TMTC1: variants seen among roughly 807,000 people sequenced by gnomAD.
TMTC1 encodes the protein protein O-mannosyl-transferase TMTC1.
TMTC1 carries 73 observed loss-of-function variants against 104.8 expected under a neutral mutation model. That is an observed-to-expected ratio of 0.70 (90% CI 0.58 to 0.85). The LOEUF (loss-of-function observed/expected upper bound fraction) is 0.85. Among genes scored for constraint, TMTC1 ranks in the 40% least tolerant of loss-of-function variants. The pLI, the probability that TMTC1 is intolerant of heterozygous loss-of-function variation, is 0.00. For synonymous variants in TMTC1, 434 were observed against 428.7 expected (o/e 1.01, Z -0.15); for missense variants, 1,035 against 1,096.1 (o/e 0.94, Z 0.79).
rs867199414 is a variant in TMTC1, at chr12:29,624,084, A to G, written c.1128+9063T>C. 2.4e-4 allele frequency among the ~76,000 whole-genome samples: 37 copies of G among 152,122 alleles called. No homozygotes were observed. The South Asian group carries it at 5.0e-3, about 20-fold the overall frequency. Reference sequence around the variant, plus strand: ...AACTTCTACCTCCCAGGTTCAAGTGATTCTCCTGCCTCAGCCTCCTGAGTA... The same window carrying G: ...AACTTCTACCTCCCAGGTTCAAGTGGTTCTCCTGCCTCAGCCTCCTGAGTA... On this transcript the variant is annotated intron_variant, in intron 6 of 17. Transcript: ENST00000539277.
chr12:29,754,867 T>C (rs901120064), intron 4 of TMTC1, among the ~76,000 whole-genome samples: 1 of 152,190 alleles, frequency 6.6e-6, no homozygotes, highest in African/African-American at 2.4e-5. Context: ...TATCTTTATG[T>C]CAAGAAGTAT....
chr12:29,727,583 A>G (rs1456917089), intron 5 of TMTC1, among the ~76,000 whole-genome samples: 1 of 151,878 alleles, frequency 6.6e-6, no homozygotes, highest in African/African-American at 2.4e-5. Context: ...TCACTGTGTT[A>G]ACCAGGATGG....
intron 6 of TMTC1, among the ~76,000 whole-genome samples, chr12:29,609,308 C>T (rs1466135681): frequency 6.6e-6 from 1 of 152,198 alleles, no homozygotes; most frequent in Non-Finnish European, 1.5e-5. Context: ...TAAAGCTCCC[C>T]TCTTCAGCCC....
intron 11 of TMTC1, among the ~76,000 whole-genome samples, chr12:29,524,856 C>A (rs1295763219): frequency 6.6e-6 from 1 of 152,146 alleles, no homozygotes; most frequent in African/African-American, 2.4e-5. Context: ...TAAAGTTATA[C>A]CTCATGATGT....
intron 5 of TMTC1, among the ~76,000 whole-genome samples, chr12:29,683,534 G>A (rs1157424198): frequency 6.6e-6 from 1 of 152,124 alleles, no homozygotes; most frequent in African/African-American, 2.4e-5. Flanking sequence ...GTGTGTCTAC[G>A]TGTGTATACG....
In TMTC1 at chr12:29,583,499, G is replaced by A. The variant is rs1322928918; in HGVS notation, c.1326C>T (p.Thr442=). Residue 442 remains threonine (T), a synonymous_variant, in exon 8 of 18, where the codon ACC becomes ACT. Transcript: ENST00000539277. ...CTWLNRCGAT[T]LIVSTVLLLL... ...GCAGCAACACAGTGGACACAATCAG[G>A]GTGGTGGCCCCACATCGATTCAGCC... 4.3e-6 allele frequency: 7 copies of A among 1,613,898 alleles called. No individual in the cohort carries two copies. In the East Asian group the frequency reaches 8.9e-5, roughly 21 times the overall value.
chr12:29,552,173 AG>A (rs1472216575), intron 10 of TMTC1, among the ~76,000 whole-genome samples: 1 of 152,190 alleles, frequency 6.6e-6, no homozygotes, highest in East Asian at 1.9e-4. Flanking sequence ...TGTACAATAT[AG>A]TAGCCACAAA....
At chr12:29,575,184 T>A (rs11050296) in intron 8 of TMTC1, among the ~76,000 whole-genome samples, 28,594 of 151,820 alleles carry the variant, frequency 0.19, 3,138 homozygotes, top group East Asian at 0.38. Flanking sequence ...TGAAGGAAGG[T>A]GGCAGGGGGA....
At chr12:29,530,191 G>T in intron 11 of TMTC1, among the ~76,000 whole-genome samples, 1 of 152,020 alleles carries the variant, frequency 6.6e-6, no homozygotes, top group East Asian at 1.9e-4. Flanking sequence ...TGGCCAAGGA[G>T]ACCCCAGGGA....
At chr12:29,613,405 G>C (rs940116389) in intron 6 of TMTC1, among the ~76,000 whole-genome samples, 5 of 152,216 alleles carry the variant, frequency 3.3e-5, no homozygotes, top group African/African-American at 7.2e-5. Context: ...GTCTGAGGAG[G>C]GGGTGGAGAG....
At position 29,691,738 on chromosome 12, in the gene TMTC1, A is replaced by AAAC. The variant is rs71045828; in HGVS notation, c.939-58403_939-58402insGTT. 9.9e-3 allele frequency among the ~76,000 whole-genome samples: 1,410 copies of AAAC among 142,070 alleles called. 143 individuals are homozygous for AAAC. The highest frequency in any genetic ancestry group is 0.035 in the African/African-American group (1,336 of 38,454). 93.2% of individuals were successfully genotyped at this position (142,070 alleles called of 152,430 possible). On this transcript the variant is annotated intron_variant, in intron 5 of 17. Coordinates refer to ENST00000539277, the MANE Select transcript of TMTC1 (RefSeq NM_001193451.2). ...AAAGTAGGAAAAAAAAAAAAAAAAA[A>AAAC]CCTACTTCCCACAATGGTGTACTGG...
At chr12:29,598,102 G>A (rs1431292136) in intron 7 of TMTC1, among the ~76,000 whole-genome samples, 1 of 152,152 alleles carries the variant, frequency 6.6e-6, no homozygotes, top group Non-Finnish European at 1.5e-5. Context: ...ATTCTTTCAA[G>A]ACGGCTAGCC....
chr12:29,698,862 G>A (rs1941500334), intron 5 of TMTC1, among the ~76,000 whole-genome samples: 1 of 152,180 alleles, frequency 6.6e-6, no homozygotes, highest in African/African-American at 2.4e-5. Context: ...GAAAGAGGGG[G>A]TTAAAACTGC....
At chr12:29,540,345 A>G (rs1168856892) in intron 10 of TMTC1, among the ~76,000 whole-genome samples, 1 of 152,196 alleles carries the variant, frequency 6.6e-6, no homozygotes, top group East Asian at 1.9e-4. Context: ...ATTTGGCATA[A>G]TTATCTCCCT....
At chr12:29,644,028 A>T (rs1219065594) in intron 5 of TMTC1, among the ~76,000 whole-genome samples, 2 of 104,644 alleles carry the variant, frequency 1.9e-5, no homozygotes, top group South Asian at 5.5e-4. Flanking sequence ...TTTATATATA[A>T]ATATAAATAT....
At chr12:29,534,233 T>C (rs1347099119) in intron 11 of TMTC1, 3 of 152,248 alleles carry the variant, frequency 2.0e-5, no homozygotes, top group African/African-American at 4.8e-5. Context: ...TATGACTAAA[T>C]AGTTAAAAAC....
At chr12:29,657,516 G>A (rs1475423901) in intron 5 of TMTC1, among the ~76,000 whole-genome samples, 2 of 152,188 alleles carry the variant, frequency 1.3e-5, no homozygotes, top group African/African-American at 4.8e-5. Flanking sequence ...CTGCTGAGAA[G>A]AAGTAAGCCA....
chr12:29,710,997 C>T (rs934111888), intron 5 of TMTC1, among the ~76,000 whole-genome samples: 1 of 141,046 alleles, frequency 7.1e-6, no homozygotes, highest in African/African-American at 2.7e-5. Context: ...ATTTTTTCCC[C>T]CTCAGAGCAG....
At chr12:29,573,966 C>T (rs957086374) in intron 8 of TMTC1, among the ~76,000 whole-genome samples, 1 of 151,600 alleles carries the variant, frequency 6.6e-6, no homozygotes, top group Admixed American at 6.6e-5. Context: ...TACTGAGGAA[C>T]CTCAGAGAGG....
Sources: gnomAD v4.1 joint callset for allele counts (sites outside exome capture counted in the v4.1 genomes callset) on GRCh38, gnomAD v4.1.1 for gene constraint, MANE v1.5 for transcripts, NCBI Gene and HGNC (gene_info 2026-07-23, HGNC 2026-07-21) for gene names.